Variants in ARMH3 observed in about 807,000 individuals in gnomAD.
The protein encoded by ARMH3 is armadillo-like helical domain-containing protein 3.
Under a neutral mutation model 99.1 loss-of-function variants are expected in ARMH3, and 60 were observed. That is an observed-to-expected ratio of 0.61 (90% CI 0.49 to 0.75). ARMH3 has a LOEUF of 0.75. Among genes scored for constraint, ARMH3 ranks in the 30% least tolerant of loss-of-function variants. The probability of loss-of-function intolerance (pLI) is 0.00; values close to 1 mark genes in which losing one functional copy is unlikely to be tolerated. For missense variants in ARMH3, 679 were observed against 843.1 expected, an observed-to-expected ratio of 0.81 and a Z score of 2.41; for synonymous variants, 285 against 292.8, an observed-to-expected ratio of 0.97 and a Z score of 0.27.
intron 23 of ARMH3, among the ~76,000 whole-genome samples, chr10:101,916,056 G>A (rs1465568541): frequency 6.6e-6 from 1 of 151,992 alleles, no homozygotes. Flanking sequence ...CGCCCGCCCC[G>A]GCCTCCCAAA....
At chr10:102,014,665 A>G (rs1444320533) in intron 8 of ARMH3, among the ~76,000 whole-genome samples, 1 of 152,162 alleles carries the variant, frequency 6.6e-6, no homozygotes, top group African/African-American at 2.4e-5. Context: ...CCAAACAACA[A>G]TCTGGTCAGG....
intron 20 of ARMH3, among the ~76,000 whole-genome samples, chr10:101,973,658 A>G (rs927371918): frequency 2.0e-5 from 3 of 152,206 alleles, no homozygotes; most frequent in Non-Finnish European, 2.9e-5. Flanking sequence ...GATCACGAGA[A>G]TGAGAGAAAA....
intron 1 of ARMH3, among the ~76,000 whole-genome samples, chr10:102,055,612 G>A (rs796665649): frequency 5.9e-5 from 9 of 152,320 alleles, no homozygotes; most frequent in African/African-American, 2.2e-4. Flanking sequence ...AGCCTGGAGA[G>A]GGACAGGACT....
chr10:101,925,239 G>A (rs537313838), intron 23 of ARMH3, among the ~76,000 whole-genome samples: 1 of 152,286 alleles, frequency 6.6e-6, no homozygotes, highest in South Asian at 2.1e-4. Context: ...TCCATATCAT[G>A]CGTATAAATA....
intron 24 of ARMH3, among the ~76,000 whole-genome samples, chr10:101,878,531 C>T (rs1186235756): frequency 6.6e-6 from 1 of 150,626 alleles, no homozygotes; most frequent in Non-Finnish European, 1.5e-5. Flanking sequence ...CCCAGCTACT[C>T]GAGAGGCTGA....
chr10:102,012,141 A>G (rs999826713), intron 10 of ARMH3, among the ~76,000 whole-genome samples: 3 of 152,210 alleles, frequency 2.0e-5, no homozygotes, highest in African/African-American at 7.2e-5. Context: ...TTTCTTTTTA[A>G]AGGAGGAGGA....
intron 24 of ARMH3, among the ~76,000 whole-genome samples, chr10:101,850,644 C>CT (rs1395982544): frequency 6.6e-6 from 1 of 152,110 alleles, no homozygotes; most frequent in Admixed American, 6.6e-5. Flanking sequence ...AAGCTGGTCT[C>CT]TAACTCCTGA....
intron 15 of ARMH3, among the ~76,000 whole-genome samples, chr10:101,999,248 G>C (rs1483631645): frequency 1.3e-5 from 2 of 151,610 alleles, no homozygotes. Context: ...CTAGAGTGCA[G>C]TGGCATGATT....
intron 11 of ARMH3, 48 bp from the exon 12 acceptor site, chr10:102,010,071 A>G (rs2066597742): frequency 1.3e-6 from 2 of 1,571,528 alleles, no homozygotes. Flanking sequence ...AGGATATGAG[A>G]GGAGCTTTAT....
chr10:101,916,099 G>A (rs1369848713), intron 23 of ARMH3, among the ~76,000 whole-genome samples: 1 of 152,120 alleles, frequency 6.6e-6, no homozygotes, highest in African/African-American at 2.4e-5. Context: ...CAGCACGCCT[G>A]GCCTATTCCA....
At chr10:101,991,941 A>C (rs1175775342) in intron 18 of ARMH3, 28 bp downstream of exon 18, 1 of 1,590,700 alleles carries the variant, frequency 6.3e-7, no homozygotes, top group Admixed American at 1.7e-5. Context: ...GTCACAGAAC[A>C]ATGTCAATGT....
intron 23 of ARMH3, among the ~76,000 whole-genome samples, chr10:101,911,197 G>A (rs532365818): frequency 1.3e-5 from 2 of 152,116 alleles, no homozygotes; most frequent in African/African-American, 2.4e-5. Flanking sequence ...TTCAGAAAAT[G>A]AGTGTGTGAA....
intron 17 of ARMH3, 117 bp downstream of exon 17, chr10:101,993,421 G>T: frequency 1.5e-6 from 1 of 688,724 alleles, no homozygotes; most frequent in Non-Finnish European, 2.4e-6. Flanking sequence ...GTCATGCAAA[G>T]CCCTTTGGCA....
intron 23 of ARMH3, among the ~76,000 whole-genome samples, chr10:101,926,134 C>T (rs917406385): frequency 1.4e-4 from 21 of 152,178 alleles, no homozygotes; most frequent in East Asian, 3.9e-4. Context: ...ATAGAAAAGA[C>T]GAGCTCTGGT....
chr10:102,054,456 G>T (rs1310958903), intron 1 of ARMH3, among the ~76,000 whole-genome samples: 1 of 151,930 alleles, frequency 6.6e-6, no homozygotes, highest in African/African-American at 2.4e-5. Context: ...CACCTTAAAG[G>T]CTTCTCTAGT....
chr10:102,044,180 G>T (rs184274507), intron 1 of ARMH3, among the ~76,000 whole-genome samples: 1 of 146,464 alleles, frequency 6.8e-6, no homozygotes, highest in East Asian at 2.0e-4. Flanking sequence ...TGCAAGCTCC[G>T]CCTCCTGGGT....
At chr10:101,855,064 T>G in intron 24 of ARMH3, among the ~76,000 whole-genome samples, 1 of 630 alleles carries the variant, frequency 1.6e-3, no homozygotes, top group African/African-American at 4.8e-3. Context: ...GTCTATTCTT[T>G]TTTTTTTTTT....
At chr10:101,867,301 T>C (rs2067026660) in intron 24 of ARMH3, among the ~76,000 whole-genome samples, 1 of 152,212 alleles carries the variant, frequency 6.6e-6, no homozygotes, top group Non-Finnish European at 1.5e-5. Flanking sequence ...TAAAGTTCTT[T>C]TGATACTGTA....
intron 24 of ARMH3, among the ~76,000 whole-genome samples, chr10:101,880,793 T>C (rs2135408095): frequency 6.6e-6 from 1 of 152,314 alleles, no homozygotes; most frequent in African/African-American, 2.4e-5. Flanking sequence ...GTTCTTCTCC[T>C]GGATGTTCTC....
Sources: allele counts gnomAD v4.1 joint callset (sites outside exome capture counted in the v4.1 genomes callset), GRCh38; gene constraint gnomAD v4.1.1; transcripts MANE v1.5; gene names NCBI Gene and HGNC (gene_info 2026-07-23, HGNC 2026-07-21).